The following TRA2A variants were observed in gnomAD, a reference collection of about 807,000 sequenced individuals.
TRA2A encodes transformer-2 protein homolog alpha.
In TRA2A, 31 loss-of-function variants were observed where a neutral mutation model predicts 45.7. That is an observed-to-expected ratio of 0.68 (90% CI 0.51 to 0.92). The LOEUF (loss-of-function observed/expected upper bound fraction) is 0.92, where lower values mean the gene tolerates loss of function less well. Among genes scored for constraint, TRA2A ranks in the 40% least tolerant of loss-of-function variants. TRA2A has a pLI of 0.00. For synonymous variants in TRA2A, 132 were observed against 126.2 expected (o/e 1.05, Z -0.31); for missense variants, 304 against 367.5 (o/e 0.83, Z 1.41).
chr7:23,531,355 C>G (rs1461684676), intron 1 of TRA2A: 1 of 572,704 alleles, frequency 1.7e-6, no homozygotes, highest in Non-Finnish European at 2.2e-6. Flanking sequence ...CGCGCACTTT[C>G]GATCCCGAGA....
intron 5 of TRA2A, among the ~76,000 whole-genome samples, chr7:23,506,839 G>A (rs747180061): frequency 1.3e-5 from 2 of 152,124 alleles, no homozygotes; most frequent in Non-Finnish European, 2.9e-5. Flanking sequence ...GCAGTGGTGC[G>A]ATCTCGGCTC....
chr7:23,531,318 A>G, intron 1 of TRA2A: 1 of 911,782 alleles, frequency 1.1e-6, no homozygotes, highest in Non-Finnish European at 1.3e-6. Context: ...GTCCCACGCC[A>G]GCTTCTCCCC....
chr7:23,516,642 T>C (rs766552552), intron 2 of TRA2A, 114 bp from the exon 3 acceptor site: 19 of 892,432 alleles, frequency 2.1e-5, no homozygotes, highest in Non-Finnish European at 3.3e-5. Context: ...TCCTCCTTGC[T>C]TCTGAGGAAA....
At chr7:23,507,125 T>C in intron 5 of TRA2A, 1 of 297,352 alleles carries the variant, frequency 3.4e-6, no homozygotes, top group East Asian at 5.5e-5. Flanking sequence ...AACCCCTACT[T>C]ATGTTTTTTT....
chr7:23,510,234 T>C (rs539761042), intron 4 of TRA2A, among the ~76,000 whole-genome samples: 1 of 152,288 alleles, frequency 6.6e-6, no homozygotes, highest in Non-Finnish European at 1.5e-5. Flanking sequence ...CCCCGCTCCT[T>C]AAGTAACATA....
At chr7:23,515,563 C>CA (rs140723052) in intron 3 of TRA2A, among the ~76,000 whole-genome samples, 2,446 of 148,992 alleles carry the variant, frequency 0.016, 75 homozygotes, top group African/African-American at 0.057. Context: ...TTTTTTGAGA[C>CA]AGAGTCTCGC....
intron 1 of TRA2A, chr7:23,522,063 G>A (rs1790159958): frequency 7.3e-7 from 1 of 1,369,334 alleles, no homozygotes; most frequent in Non-Finnish European, 9.4e-7. Context: ...TATTAACTAA[G>A]TAATCATGCA....
intron 1 of TRA2A, among the ~76,000 whole-genome samples, chr7:23,525,960 A>C (rs1259005426): frequency 6.6e-6 from 1 of 152,176 alleles, no homozygotes; most frequent in Non-Finnish European, 1.5e-5. Flanking sequence ...AATGGCCAAA[A>C]ATTAAAAGGA....
At chr7:23,510,731 T>G (rs1438006989) in intron 4 of TRA2A, among the ~76,000 whole-genome samples, 1 of 152,218 alleles carries the variant, frequency 6.6e-6, no homozygotes, top group African/African-American at 2.4e-5. Flanking sequence ...TACACTGTTC[T>G]GGCTTGCATT....
intron 2 of TRA2A, among the ~76,000 whole-genome samples, chr7:23,520,683 ATTT>A (rs11346990): frequency 4.9e-4 from 63 of 129,698 alleles, no homozygotes; most frequent in African/African-American, 7.3e-4. Context: ...GCTGTTTTAA[ATTT>A]TTTTTTTTTT....
At chr7:23,509,897 G>A (rs532457186) in intron 4 of TRA2A, among the ~76,000 whole-genome samples, 3 of 152,068 alleles carry the variant, frequency 2.0e-5, no homozygotes, top group South Asian at 2.1e-4. Context: ...ATGGTGGTGC[G>A]CACCTGTTGT....
chr7:23,531,114 TTG>T (rs1790563633), intron 1 of TRA2A: 7 of 553,420 alleles, frequency 1.3e-5, no homozygotes, highest in Non-Finnish European at 1.6e-5. Context: ...AAAGGGCTCC[TTG>T]CGTAGTTTCC....
chr7:23,519,990 G>A (rs970039062), intron 2 of TRA2A, among the ~76,000 whole-genome samples: 15 of 152,244 alleles, frequency 9.9e-5, no homozygotes, highest in African/African-American at 3.4e-4. Context: ...CACTTTGGGA[G>A]GCCGAGGTGG....
chr7:23,517,842 G>A (rs1789956678), intron 2 of TRA2A, among the ~76,000 whole-genome samples: 1 of 152,020 alleles, frequency 6.6e-6, no homozygotes, highest in Non-Finnish European at 1.5e-5. Flanking sequence ...AACCCGGGAG[G>A]TGGAGGCTGC....
At chr7:23,515,894 G>A (rs114314199) in intron 3 of TRA2A, among the ~76,000 whole-genome samples, 2,488 of 151,118 alleles carry the variant, frequency 0.016, 80 homozygotes, top group African/African-American at 0.057. Context: ...TATACTCCCG[G>A]CCAGGCATGG....
intron 2 of TRA2A, among the ~76,000 whole-genome samples, chr7:23,517,503 A>AAAAAGAG (rs764849438): frequency 1.7e-5 from 2 of 116,206 alleles, no homozygotes; most frequent in East Asian, 3.3e-4. Context: ...AAAAAAAAAA[A>AAAAAGAG]AGAGAGAAAG....
rs191233674 is a variant in TRA2A at position 23,509,314 on chromosome 7, A to C, written c.526-1779T>G. Among the ~76,000 whole-genome samples the C allele has an allele frequency of 9.9e-3, 1,511 of 152,314 alleles. 11 individuals carry two copies. The highest frequency in any genetic ancestry group is 0.015 in the Non-Finnish European group (1,001 of 68,028). ...ACAAAATCTCTAAGTACTTCTTACT[A>C]AAACAGGGTGAGGAGCTTATATTAT... On this transcript the variant is annotated intron_variant, in intron 4 of 7. Transcript: ENST00000297071.
At chr7:23,524,972 G>T (rs1019337268) in intron 1 of TRA2A, among the ~76,000 whole-genome samples, 1 of 152,050 alleles carries the variant, frequency 6.6e-6, no homozygotes, top group Non-Finnish European at 1.5e-5. Flanking sequence ...TTACAGGTGT[G>T]AGCCACCACA....
intron 3 of TRA2A, 120 bp from the exon 4 acceptor site, chr7:23,513,202 G>T: frequency 1.4e-6 from 1 of 737,686 alleles, no homozygotes. Flanking sequence ...CTAATAATTT[G>T]GAGATAAGAT....
Sources: gnomAD v4.1 joint callset for allele counts (sites outside exome capture counted in the v4.1 genomes callset) on GRCh38, gnomAD v4.1.1 for gene constraint, MANE v1.5 for transcripts, NCBI Gene and HGNC (gene_info 2026-07-23, HGNC 2026-07-21) for gene names.